MAST2: variants seen among roughly 807,000 people sequenced by gnomAD.
MAST2 encodes microtubule associated serine/threonine kinase 2.
Under a neutral mutation model 147.4 loss-of-function variants are expected in MAST2, and 70 were observed. That is an observed-to-expected ratio of 0.47 (90% CI 0.39 to 0.58). The LOEUF (loss-of-function observed/expected upper bound fraction) is 0.58. Ranked by LOEUF, MAST2 falls within the 20% of genes least tolerant of loss-of-function variation. The pLI is 0.00. For missense variants in MAST2, 2,080 were observed against 2,302.3 expected (o/e 0.90, Z 1.98); for synonymous variants, 869 against 896.8 (o/e 0.97, Z 0.55).
At chr1:45,986,860 G>C (rs922367886) in intron 5 of MAST2, among the ~76,000 whole-genome samples, 4 of 151,970 alleles carry the variant, frequency 2.6e-5, no homozygotes, top group Non-Finnish European at 4.4e-5. Flanking sequence ...ATCTTTGTCT[G>C]GTTTTGGTGT....
At chr1:45,833,227 A>G (rs534995007) in intron 3 of MAST2, among the ~76,000 whole-genome samples, 3 of 152,112 alleles carry the variant, frequency 2.0e-5, no homozygotes, top group Admixed American at 2.0e-4. Flanking sequence ...TCTAATGTTT[A>G]TTGAGAGGAT....
intron 16 of MAST2, among the ~76,000 whole-genome samples, chr1:46,026,384 G>A (rs904237156): frequency 6.6e-6 from 1 of 152,200 alleles, no homozygotes; most frequent in African/African-American, 2.4e-5. Context: ...GATGGTGAGA[G>A]AGTAGTAAGA....
chr1:45,857,802 C>T (rs571468432), intron 3 of MAST2, among the ~76,000 whole-genome samples: 43 of 151,062 alleles, frequency 2.8e-4, no homozygotes, highest in Admixed American at 2.3e-3. Context: ...TTCCTGTGTC[C>T]AAGTGTTCTC....
At chr1:45,865,007 G>A (rs577790339) in intron 3 of MAST2, 7 of 431,956 alleles carry the variant, frequency 1.6e-5, no homozygotes, top group Admixed American at 1.3e-4. Context: ...GGTTAGTGGT[G>A]TGCTGAAAGG....
chr1:45,874,241 TTTTCCAAAC>T (rs1382539763), intron 3 of MAST2, among the ~76,000 whole-genome samples: 2 of 152,188 alleles, frequency 1.3e-5, no homozygotes, highest in African/African-American at 4.8e-5. Context: ...AGAAGCCTAG[TTTTCCAAAC>T]TTTAAATTTT....
At chr1:45,921,387 G>A (rs926860861) in intron 4 of MAST2, among the ~76,000 whole-genome samples, 3 of 152,096 alleles carry the variant, frequency 2.0e-5, no homozygotes, top group Admixed American at 1.3e-4. Context: ...TGACGCTTTT[G>A]CCTGAGCTTT....
chr1:45,820,179 A>G (rs1300523676), intron 1 of MAST2, among the ~76,000 whole-genome samples: 1 of 152,206 alleles, frequency 6.6e-6, no homozygotes, highest in African/African-American at 2.4e-5. Flanking sequence ...CTAGATCCCT[A>G]TCTCTTCCCA....
intron 1 of MAST2, among the ~76,000 whole-genome samples, chr1:45,807,214 C>A (rs1377753754): frequency 6.6e-6 from 1 of 151,996 alleles, no homozygotes; most frequent in Non-Finnish European, 1.5e-5. Context: ...TTATAATATC[C>A]ATTCTGTTAC....
chr1:45,874,650 A>T (rs1438504620), intron 3 of MAST2, among the ~76,000 whole-genome samples: 1 of 152,248 alleles, frequency 6.6e-6, no homozygotes, highest in African/African-American at 2.4e-5. Context: ...TGATGGATTC[A>T]TAGATTTATT....
intron 3 of MAST2, among the ~76,000 whole-genome samples, chr1:45,837,066 G>A (rs886718579): frequency 5.3e-5 from 8 of 152,172 alleles, no homozygotes; most frequent in Non-Finnish European, 1.2e-4. Context: ...GACAGGAGAC[G>A]GAGTTCAGGC....
chr1:45,818,649 CGTT>C (rs1644528511), intron 1 of MAST2, among the ~76,000 whole-genome samples: 1 of 152,138 alleles, frequency 6.6e-6, no homozygotes, highest in African/African-American at 2.4e-5. Flanking sequence ...CACAATTGGT[CGTT>C]GTGAACTTCC....
At chr1:46,030,412 A>AT in intron 21 of MAST2, 174 bp downstream of exon 21, 1 of 823,900 alleles carries the variant, frequency 1.2e-6, no homozygotes. Context: ...TTCTAGAACC[A>AT]CTGCTGTCCC....
In MAST2 at chr1:46,031,025, G is replaced by A. The variant is rs573636654; in HGVS notation, c.2727G>A (p.Ser909=). 42 of 1,613,524 alleles carry A rather than the reference G, an allele frequency of 2.6e-5. No individual in the cohort carries two copies. The highest frequency in any genetic ancestry group is 4.0e-5 in the African/African-American group (3 of 74,994). ...CTCATAGATTACGGAAGCGGCTGTC[G>A]GTGTCTGAGTCATCCCACACAGAGA... ...GSPEILRKRL[S]VSESSHTESD... is the part of the protein sequence containing the mutation. The change falls in exon 23 of 29, where the codon TCG becomes TCA. Residue 909 remains serine (S), a synonymous_variant. Coordinates refer to ENST00000361297, the MANE Select transcript of MAST2 (RefSeq NM_015112.3). This position sits in a 1 kb window ranked among gnomAD's most constrained non-coding sequence, Gnocchi z 4.1.
intron 16 of MAST2, among the ~76,000 whole-genome samples, chr1:46,026,516 T>C (rs1646418739): frequency 6.6e-6 from 1 of 152,110 alleles, no homozygotes; most frequent in Non-Finnish European, 1.5e-5. Context: ...TATGATAGAA[T>C]GGCATGCCCA....
intron 3 of MAST2, among the ~76,000 whole-genome samples, chr1:45,841,361 G>A (rs1377552834): frequency 2.0e-5 from 3 of 151,176 alleles, no homozygotes; most frequent in Non-Finnish European, 4.4e-5. Flanking sequence ...TTTATGCCTC[G>A]GTACTTCAAA....
chr1:45,950,300 G>A (rs940736879), intron 4 of MAST2, among the ~76,000 whole-genome samples: 1 of 152,004 alleles, frequency 6.6e-6, no homozygotes, highest in Non-Finnish European at 1.5e-5. Flanking sequence ...ATAACCTTGA[G>A]GGGAAAAAAG....
intron 3 of MAST2, among the ~76,000 whole-genome samples, chr1:45,858,962 G>T (rs367642333): frequency 6.6e-6 from 1 of 152,052 alleles, no homozygotes; most frequent in African/African-American, 2.4e-5. Flanking sequence ...CTGTTCCATT[G>T]GTCTATATCT....
chr1:45,861,750 G>A (rs568159336), intron 3 of MAST2, among the ~76,000 whole-genome samples: 1 of 151,704 alleles, frequency 6.6e-6, no homozygotes, highest in Admixed American at 6.6e-5. Flanking sequence ...CAGAGAGTAT[G>A]GAGAGTTAAA....
intron 3 of MAST2, among the ~76,000 whole-genome samples, chr1:45,832,770 T>C (rs183841126): frequency 2.0e-5 from 3 of 152,332 alleles, no homozygotes; most frequent in African/African-American, 7.2e-5. Context: ...TAAGTTTTTT[T>C]TAAATTAACA....
Sources: gnomAD v4.1 joint callset for allele counts (sites outside exome capture counted in the v4.1 genomes callset) on GRCh38, gnomAD v4.1.1 for gene constraint, Gnocchi (gnomAD v3.1) non-coding constraint, MANE v1.5 for transcripts, NCBI Gene and HGNC (gene_info 2026-07-23, HGNC 2026-07-21) for gene names.